CUX2: variants seen among roughly 807,000 people sequenced by gnomAD.
The protein encoded by CUX2 is cut like homeobox 2.
Under a neutral mutation model 144.8 loss-of-function variants are expected in CUX2, and 40 were observed. That is an observed-to-expected ratio of 0.28 (90% confidence interval 0.21 to 0.36). CUX2 has a LOEUF of 0.36. Ranked by LOEUF, CUX2 falls within the 10% of genes least tolerant of loss-of-function variation. CUX2 has a pLI of 1.00. For missense variants in CUX2, 1,615 were observed against 1,994.0 expected (o/e 0.81, Z 3.62); for synonymous variants, 827 against 875.6 (o/e 0.94, Z 0.98).
chr12:111,161,517 C>T (rs372797046), intron 1 of CUX2, among the ~76,000 whole-genome samples: 6 of 152,152 alleles, frequency 3.9e-5, no homozygotes, highest in African/African-American at 7.2e-5. Context: ...ACTGTGTGTC[C>T]GCCCTGACTA....
chr12:111,125,512 G>A (rs1875002979), intron 1 of CUX2, among the ~76,000 whole-genome samples: 1 of 152,186 alleles, frequency 6.6e-6, no homozygotes, highest in Non-Finnish European at 1.5e-5. Context: ...CCTCCACAGT[G>A]TAGCCTTTTA....
chr12:111,178,133 G>A lies in CUX2; in HGVS notation c.64-36067G>A, dbSNP rs1401455067. Among the ~76,000 whole-genome samples the A allele has an allele frequency of 1.3e-5, 2 of 152,200 alleles. No individual in the cohort carries two copies. The highest frequency in any genetic ancestry group is 1.5e-5 in the Non-Finnish European group (1 of 68,028). ...TGGGGTTTTCTGCAAAGGTCTGTCT[G>A]TGTCTAGAAGAAGAGATTCCAAGAT... On this transcript the variant is annotated intron_variant, in intron 1 of 21. Coordinates refer to ENST00000261726, the MANE Select transcript of CUX2 (RefSeq NM_015267.4). This position sits in a 1 kb window ranked among gnomAD's most constrained non-coding sequence, Gnocchi z 5.7.
chr12:111,345,735 CAAAA>C (rs762939855), intron 21 of CUX2, among the ~76,000 whole-genome samples: 5 of 51,336 alleles, frequency 9.7e-5, no homozygotes, highest in Admixed American at 2.1e-4. Flanking sequence ...GACTCCGTCT[CAAAA>C]AAAAAAAAAA....
intron 18 of CUX2, among the ~76,000 whole-genome samples, chr12:111,330,717 A>ATG (rs2136426205): frequency 4.0e-5 from 2 of 50,528 alleles, no homozygotes; most frequent in East Asian, 7.2e-4. Context: ...ATATATATAT[A>ATG]TATATATATA....
chr12:111,320,141 T>C lies in CUX2; in HGVS notation c.2132T>C (p.Leu711Pro). 1 of 1,552,174 alleles carries C rather than the reference T, an allele frequency of 6.4e-7. No homozygotes were observed. The highest frequency in any genetic ancestry group is 8.7e-7 in the Non-Finnish European group (1 of 1,152,556). ...RREMQAQQQA[L>P]LEMEVAPRGR... is the part of the protein sequence containing the mutation. ...GAGATGCAGGCGCAACAGCAGGCGC[T>C]GCTGGAGATGGAGGTGGCGCCCAGG... The change falls in exon 17 of 22, where the codon CTG becomes CCG. Residue 711 changes from leucine (L) to proline (P), a missense_variant. Leu to Pro is a moderately conservative substitution (Grantham distance 98). Around this residue, in one of 12 missense-constraint regions of CUX2, gnomAD observed 390 missense variants for 387.1 expected, o/e 1.01. Coordinates refer to ENST00000261726, the MANE Select transcript of CUX2 (RefSeq NM_015267.4). The surrounding 1 kb of genome is among the most constrained non-coding windows in gnomAD (Gnocchi z 8.1).
intron 20 of CUX2, among the ~76,000 whole-genome samples, chr12:111,339,962 A>G (rs946987373): frequency 2.0e-5 from 3 of 152,228 alleles, no homozygotes; most frequent in Non-Finnish European, 1.5e-5. Context: ...TTGGGAGGCC[A>G]AGGTGGATGG....
chr12:111,147,006 G>A (rs571071853), intron 1 of CUX2, among the ~76,000 whole-genome samples: 2 of 152,142 alleles, frequency 1.3e-5, no homozygotes, highest in East Asian at 1.9e-4. Flanking sequence ...ATGGTGTCAC[G>A]TGCCTGTAAT....
At position 111,322,591 on chromosome 12, in the gene CUX2, G is replaced by T; in HGVS notation, c.2926+11G>T. 1 of 1,604,464 alleles carries T rather than the reference G, an allele frequency of 6.2e-7. No homozygotes were observed. Among genetic ancestry groups the T allele is most frequent in the East Asian group, 2.2e-5 (1 of 44,796 alleles). ...CTGGTGCCTCCCAGGGTGAGTGCGGGCAGGAGCATCTCAGGGGGTGCTGGC... is the reference window on the plus strand; with the variant it reads ...CTGGTGCCTCCCAGGGTGAGTGCGGTCAGGAGCATCTCAGGGGGTGCTGGC... On this transcript the variant is annotated intron_variant, in intron 18 of 21. Coordinates refer to ENST00000261726, the MANE Select transcript of CUX2 (RefSeq NM_015267.4). This position sits in a 1 kb window ranked among gnomAD's most constrained non-coding sequence, Gnocchi z 4.2.
chr12:111,199,421 C>T (rs1042239758), intron 1 of CUX2, among the ~76,000 whole-genome samples: 3 of 152,100 alleles, frequency 2.0e-5, no homozygotes, highest in Non-Finnish European at 4.4e-5. Context: ...ATCCCCATTG[C>T]GCAGATTAGG....
chr12:111,301,381 T>C (rs1019532126), intron 9 of CUX2, among the ~76,000 whole-genome samples: 2 of 152,180 alleles, frequency 1.3e-5, no homozygotes, highest in African/African-American at 4.8e-5. Flanking sequence ...TAGGTGGTTA[T>C]GTAGGAGAGG....
intron 1 of CUX2, among the ~76,000 whole-genome samples, chr12:111,136,939 TGGC>T: frequency 6.7e-6 from 1 of 148,582 alleles, no homozygotes; most frequent in African/African-American, 2.6e-5. Context: ...TTATTTTTTA[TGGC>T]TTTTTTTTTT....
At chr12:111,325,186 C>G (rs765471625) in intron 18 of CUX2, among the ~76,000 whole-genome samples, 2 of 151,524 alleles carry the variant, frequency 1.3e-5, no homozygotes, top group African/African-American at 2.4e-5. Context: ...CCCAGCTACT[C>G]AGGAGGCTGA....
In CUX2 at chr12:111,171,699, A is replaced by G. The variant is rs1172643630; in HGVS notation, c.64-42501A>G. Reference sequence around the variant, plus strand: ...GTTTGCAGGCCATAATTAGGGGCTCAGTGTCACCTTTGTCCAGTGCCTGAG... The same window carrying G: ...GTTTGCAGGCCATAATTAGGGGCTCGGTGTCACCTTTGTCCAGTGCCTGAG... On this transcript the variant is annotated intron_variant, in intron 1 of 21. Coordinates refer to ENST00000261726, the MANE Select transcript of CUX2 (RefSeq NM_015267.4). This position sits in a 1 kb window ranked among gnomAD's most constrained non-coding sequence, Gnocchi z 5.0. Among the ~76,000 whole-genome samples the G allele has an allele frequency of 3.3e-5, 5 of 152,222 alleles. No homozygotes were observed.
intron 1 of CUX2, among the ~76,000 whole-genome samples, chr12:111,112,595 G>A (rs915438329): frequency 9.9e-5 from 15 of 152,100 alleles, no homozygotes; most frequent in Non-Finnish European, 4.4e-5. Context: ...GACAAGCTGT[G>A]TGCTTTGGGG....
At position 111,322,590 on chromosome 12, in the gene CUX2, G is replaced by A. The variant is rs1005544725; in HGVS notation, c.2926+10G>A. On this transcript the variant is annotated intron_variant, in intron 18 of 21. Transcript: ENST00000261726. The surrounding 1 kb of genome is among the most constrained non-coding windows in gnomAD (Gnocchi z 4.2). ...CCTGGTGCCTCCCAGGGTGAGTGCG[G>A]GCAGGAGCATCTCAGGGGGTGCTGG... is the stretch of plus-strand genomic sequence containing the variant. 5 of 1,604,738 alleles carry A rather than the reference G, an allele frequency of 3.1e-6. No homozygotes were observed. In the African/African-American group the frequency reaches 4.0e-5, roughly 13 times the overall value.
intron 2 of CUX2, among the ~76,000 whole-genome samples, chr12:111,217,190 A>T (rs1419069738): frequency 6.6e-6 from 1 of 152,190 alleles, no homozygotes; most frequent in Non-Finnish European, 1.5e-5. Flanking sequence ...TGGAAATAGG[A>T]GGCTCAGGGT....
intron 1 of CUX2, among the ~76,000 whole-genome samples, chr12:111,107,118 C>T (rs1178088652): frequency 4.6e-5 from 7 of 152,220 alleles, no homozygotes; most frequent in Non-Finnish European, 8.8e-5. Context: ...ACTTCTGTCC[C>T]CATTTTACAG....
chr12:111,067,178 C>G (rs1364096856), intron 1 of CUX2, among the ~76,000 whole-genome samples: 1 of 152,200 alleles, frequency 6.6e-6, no homozygotes, highest in East Asian at 1.9e-4. Flanking sequence ...TCATGTGACT[C>G]AACCCAGGAA....
Position 111,330,720 on chromosome 12 carries a change from T to TATATATATACATATAC in CUX2, c.2927-3712_2927-3711insCATATACATATATATA, listed in dbSNP as rs1565926234. 3.2e-4 allele frequency among the ~76,000 whole-genome samples: 16 copies of TATATATATACATATAC among 49,850 alleles called. 2 individuals are homozygous for TATATATATACATATAC. The highest frequency in any genetic ancestry group is 1.0e-3 in the Admixed American group (6 of 5,824). The allele number at this position is 49,850 out of a possible 152,430, so 32.7% of individuals were successfully genotyped here. On this transcript the variant is annotated intron_variant, in intron 18 of 21. Coordinates refer to ENST00000261726, the MANE Select transcript of CUX2 (RefSeq NM_015267.4). ...ATATATATATATATATATATATATA[T>TATATATATACATATAC]ATATATATATATATATATATATATA...
Sources: gnomAD v4.1 joint callset for allele counts (sites outside exome capture counted in the v4.1 genomes callset) on GRCh38, gnomAD v4.1.1 for gene constraint, gnomAD v4.1.1 regional missense constraint, Gnocchi (gnomAD v3.1) non-coding constraint, MANE v1.5 for transcripts, NCBI Gene and HGNC (gene_info 2026-07-23, HGNC 2026-07-21) for gene names.